Variants in RGPD2 observed in about 807,000 individuals in gnomAD.
RGPD2 encodes RANBP2-like and GRIP domain-containing protein 2.
Under a neutral mutation model 36.0 loss-of-function variants are expected in RGPD2, and 2 were observed. The observed-to-expected ratio is 0.06, with a 90% CI of 0.02 to 0.17. The LOEUF is 0.17. RGPD2 is among the 10% of genes least tolerant of loss of function. The pLI is 1.00. For missense variants in RGPD2, 40 were observed against 464.3 expected (o/e 0.09, Z 8.40); for synonymous variants, 19 against 163.8 (o/e 0.12, Z 6.75).
chr2:87,896,786 TCA>T, the RGPD2 span, among the ~76,000 whole-genome samples: 5 of 123,530 alleles, frequency 4.0e-5, no homozygotes, highest in African/African-American at 6.2e-5. Context: ...AGGAGTACTC[TCA>T]GTTTCAAGAA....
chr2:87,945,222 TTG>T, the RGPD2 span, among the ~76,000 whole-genome samples: 1 of 152,292 alleles, frequency 6.6e-6, no homozygotes, highest in Non-Finnish European at 1.5e-5. Context: ...ATAAATTCTA[TTG>T]TGTGTTTATA....
At chr2:87,983,327 G>A in the RGPD2 span, among the ~76,000 whole-genome samples, 2 of 150,470 alleles carry the variant, frequency 1.3e-5, no homozygotes, top group African/African-American at 4.9e-5. Context: ...CTTAAAAAAG[G>A]AAAGAAAGGA....
intron 22 of RGPD2, among the ~76,000 whole-genome samples, chr2:87,769,638 G>T (rs1685064418): frequency 6.6e-6 from 1 of 151,956 alleles, no homozygotes; most frequent in African/African-American, 2.4e-5. Flanking sequence ...AAAGAGACCT[G>T]TTAGACATGC....
the RGPD2 span, among the ~76,000 whole-genome samples, chr2:87,840,114 G>A: frequency 7.3e-6 from 1 of 137,474 alleles, no homozygotes; most frequent in Non-Finnish European, 1.6e-5. Flanking sequence ...TGCGTATGTA[G>A]TCAAGTTAAG....
chr2:87,877,804 C>CAAAAAAAAAAAAAAA, the RGPD2 span, among the ~76,000 whole-genome samples: 81 of 84,420 alleles, frequency 9.6e-4, 1 homozygote, highest in African/African-American at 1.3e-3. Flanking sequence ...GACTCCGTCT[C>CAAAAAAAAAAAAAAA]AAAAAAAAAA....
At chr2:87,873,244 G>T in the RGPD2 span, among the ~76,000 whole-genome samples, 1 of 138,854 alleles carries the variant, frequency 7.2e-6, no homozygotes, top group African/African-American at 2.7e-5. Context: ...GTCTACTACT[G>T]ATGGTCATTT....
the RGPD2 span, among the ~76,000 whole-genome samples, chr2:87,894,273 C>T: frequency 6.6e-5 from 10 of 152,100 alleles, no homozygotes; most frequent in South Asian, 2.1e-3. Flanking sequence ...TTCTTAAATG[C>T]TTAAACCTAT....
chr2:87,825,134 C>T (rs1421487965), intron 1 of RGPD2: 8 of 389,628 alleles, frequency 2.1e-5, no homozygotes, highest in African/African-American at 1.3e-4. Context: ...TCATTCATTG[C>T]CCCCACAATC....
chr2:87,930,687 C>T, the RGPD2 span, among the ~76,000 whole-genome samples: 1 of 150,914 alleles, frequency 6.6e-6, no homozygotes, highest in African/African-American at 2.4e-5. Context: ...TTCAATTCCT[C>T]TGATCCTGGG....
At chr2:87,886,973 C>T in the RGPD2 span, among the ~76,000 whole-genome samples, 1 of 151,118 alleles carries the variant, frequency 6.6e-6, no homozygotes, top group African/African-American at 2.4e-5. Context: ...AGAGCTTGTG[C>T]TTAGAAAAAT....
At chr2:87,969,843 A>G in the RGPD2 span, among the ~76,000 whole-genome samples, 1 of 139,636 alleles carries the variant, frequency 7.2e-6, no homozygotes, top group Non-Finnish European at 1.5e-5. Context: ...AATGCTATTT[A>G]TGTACGAAAG....
chr2:87,885,898 T>C, the RGPD2 span, among the ~76,000 whole-genome samples: 78 of 152,088 alleles, frequency 5.1e-4, no homozygotes, highest in Non-Finnish European at 1.0e-3. Flanking sequence ...TACCCCTGCT[T>C]CTTCCCTTGC....
the RGPD2 span, among the ~76,000 whole-genome samples, chr2:87,983,307 A>G: frequency 6.6e-6 from 1 of 152,032 alleles, no homozygotes; most frequent in Non-Finnish European, 1.5e-5. Flanking sequence ...ATGACAGAGC[A>G]AAACCCCGTC....
chr2:87,870,731 C>A, the RGPD2 span, among the ~76,000 whole-genome samples: 1 of 151,866 alleles, frequency 6.6e-6, no homozygotes, highest in Non-Finnish European at 1.5e-5. Flanking sequence ...ATATGCCTCA[C>A]AAACATATAT....
In RGPD2 at chr2:87,756,632, A is replaced by C. The variant is rs1290041345; in HGVS notation, c.*760T>G. On this transcript the variant is annotated 3_prime_UTR_variant, in exon 23 of 23. Transcript: ENST00000398146. ...CAGAGAGCTCATAAGTAGCATTTGA[A>C]TACATGAATCAAAGTATGGAATGGC... The C allele has an allele frequency of 2.3e-6, 1 of 433,614 alleles. No individual in the cohort carries two copies. The allele number at this position is 433,614 out of a possible 1,614,324, so 26.9% of individuals were successfully genotyped here. A position where few individuals can be genotyped will look rare whatever the true frequency, so the allele number is the denominator to read the frequency against.
chr2:87,943,343 C>G, the RGPD2 span, among the ~76,000 whole-genome samples: 1 of 150,032 alleles, frequency 6.7e-6, no homozygotes, highest in East Asian at 2.0e-4. Context: ...TTTACGTTCA[C>G]TAATGATTAG....
chr2:87,920,247 GC>G, the RGPD2 span, among the ~76,000 whole-genome samples: 1 of 151,844 alleles, frequency 6.6e-6, no homozygotes, highest in Non-Finnish European at 1.5e-5. Context: ...ATTTTCAGTG[GC>G]TTTTATCTCT....
chr2:87,988,542 T>TATAAATATATATATATATATATA, the RGPD2 span, among the ~76,000 whole-genome samples: 1 of 37,576 alleles, frequency 2.7e-5, no homozygotes, highest in Admixed American at 4.1e-4. Context: ...TATATATATA[T>TATAAATATATATATATATATATA]TTTTTTTTTT....
chr2:87,975,020 T>C, the RGPD2 span, among the ~76,000 whole-genome samples: 10 of 152,268 alleles, frequency 6.6e-5, no homozygotes, highest in South Asian at 2.1e-3. Context: ...TACAAGGCCC[T>C]ATACAATTGC....
Sources: allele counts gnomAD v4.1 joint callset (sites outside exome capture counted in the v4.1 genomes callset), GRCh38; gene constraint gnomAD v4.1.1; transcripts MANE v1.5; gene names NCBI Gene and HGNC (gene_info 2026-07-23, HGNC 2026-07-21).